RAB38: variants seen among roughly 807,000 people sequenced by gnomAD.
RAB38 encodes ras-related protein Rab-38.
RAB38 carries 15 observed loss-of-function variants against 18.4 expected under a neutral mutation model. The ratio of observed to expected loss-of-function variants is 0.82; its 90% CI spans 0.55 to 1.26. The LOEUF (loss-of-function observed/expected upper bound fraction) is 1.26. Ranked by LOEUF, RAB38 falls within the 50% of genes most tolerant of loss-of-function variation. RAB38 has a pLI of 0.00. For synonymous variants in RAB38, 101 were observed against 104.4 expected (o/e 0.97, Z 0.20); for missense variants, 294 against 267.4 (o/e 1.10, Z -0.69).
the RAB38 span, among the ~76,000 whole-genome samples, chr11:87,909,598 A>T: frequency 6.6e-6 from 1 of 152,088 alleles, no homozygotes; most frequent in Non-Finnish European, 1.5e-5. Flanking sequence ...AAACATATCT[A>T]TCAAACTCAA....
chr11:88,017,675 T>C, the RAB38 span, among the ~76,000 whole-genome samples: 1 of 147,476 alleles, frequency 6.8e-6, no homozygotes, highest in Non-Finnish European at 1.5e-5. Flanking sequence ...CTCTATATGT[T>C]ACCCAGATCT....
At chr11:87,868,694 C>T in the RAB38 span, among the ~76,000 whole-genome samples, 6 of 151,312 alleles carry the variant, frequency 4.0e-5, no homozygotes, top group African/African-American at 1.5e-4. Flanking sequence ...ATACTCCTAG[C>T]ACAGGATTTC....
intron 1 of RAB38, chr11:88,173,918 T>G (rs1943343353): frequency 1.0e-6 from 1 of 985,326 alleles, no homozygotes; most frequent in Admixed American, 6.1e-5. Flanking sequence ...TTCAAAAATT[T>G]TCCACATTTG....
rs1002496392 is a variant in RAB38 at position 88,113,932 on chromosome 11, G to C, written c.*56C>G. 1.3e-5 allele frequency: 21 copies of C among 1,600,294 alleles called. No individual in the cohort carries two copies. In the African/African-American group the frequency reaches 2.4e-4, roughly 18 times the overall value. On this transcript the variant is annotated 3_prime_UTR_variant, in exon 3 of 3. Transcript: ENST00000243662. ...GTTTACCCAAAATGGTAAAAATAGA[G>C]GCACAATTTGTGGAACAATGAGGTC... is the stretch of plus-strand genomic sequence containing the variant.
the RAB38 span, among the ~76,000 whole-genome samples, chr11:87,809,939 T>C: frequency 8.0e-6 from 1 of 124,376 alleles, no homozygotes; most frequent in Admixed American, 8.1e-5. Flanking sequence ...AATTTAAAAG[T>C]AATAAAAAGC....
chr11:88,101,977 C>A, the RAB38 span, among the ~76,000 whole-genome samples: 1 of 151,784 alleles, frequency 6.6e-6, no homozygotes, highest in Non-Finnish European at 1.5e-5. Flanking sequence ...CCTTGGAGAT[C>A]CTGGAGAAAG....
At chr11:87,853,236 C>A in the RAB38 span, among the ~76,000 whole-genome samples, 1 of 152,146 alleles carries the variant, frequency 6.6e-6, no homozygotes, top group Non-Finnish European at 1.5e-5. Context: ...TGTTTGTATC[C>A]TCCAAATTTC....
the RAB38 span, among the ~76,000 whole-genome samples, chr11:88,105,783 T>C: frequency 1.3e-5 from 2 of 152,140 alleles, no homozygotes; most frequent in African/African-American, 2.4e-5. Flanking sequence ...GTACTCTGAT[T>C]AGCCCATTGT....
At chr11:87,905,327 G>T in the RAB38 span, among the ~76,000 whole-genome samples, 3 of 151,192 alleles carry the variant, frequency 2.0e-5, no homozygotes, top group Non-Finnish European at 3.0e-5. Flanking sequence ...GTCCTGGTTA[G>T]CTCTTTCCAT....
chr11:87,884,274 C>A, the RAB38 span, among the ~76,000 whole-genome samples: 1 of 151,860 alleles, frequency 6.6e-6, no homozygotes, highest in Non-Finnish European at 1.5e-5. Flanking sequence ...GGATATGTGT[C>A]AGAATGAAGA....
chr11:87,830,729 A>C, the RAB38 span, among the ~76,000 whole-genome samples: 1 of 152,244 alleles, frequency 6.6e-6, no homozygotes, highest in East Asian at 1.9e-4. Flanking sequence ...AATATCAAAT[A>C]TATTAGATAT....
the RAB38 span, among the ~76,000 whole-genome samples, chr11:88,077,041 C>T: frequency 8.7e-6 from 1 of 115,442 alleles, no homozygotes; most frequent in African/African-American, 3.5e-5. Flanking sequence ...AGAAAGCAAG[C>T]AAGAAAAGAA....
At chr11:87,947,656 C>T in the RAB38 span, among the ~76,000 whole-genome samples, 1 of 152,126 alleles carries the variant, frequency 6.6e-6, no homozygotes, top group Non-Finnish European at 1.5e-5. Context: ...ATCCTTTCCC[C>T]ATTTCATGTT....
At chr11:87,948,251 C>G in the RAB38 span, among the ~76,000 whole-genome samples, 2 of 152,228 alleles carry the variant, frequency 1.3e-5, no homozygotes, top group East Asian at 1.9e-4. Context: ...ATTTTGTATC[C>G]TGAGACTTTG....
the RAB38 span, among the ~76,000 whole-genome samples, chr11:87,942,912 A>C: frequency 6.6e-6 from 1 of 152,184 alleles, no homozygotes; most frequent in Non-Finnish European, 1.5e-5. Flanking sequence ...AAATGAGAGG[A>C]CCATGACTTG....
chr11:87,883,189 C>T, the RAB38 span, among the ~76,000 whole-genome samples: 21 of 151,936 alleles, frequency 1.4e-4, 1 homozygote, highest in Middle Eastern at 3.4e-3. Context: ...CTAGATCACT[C>T]GATATTTCTC....
the RAB38 span, among the ~76,000 whole-genome samples, chr11:87,849,613 C>T: frequency 6.6e-6 from 1 of 152,112 alleles, no homozygotes; most frequent in African/African-American, 2.4e-5. Context: ...AGATATCTCA[C>T]CCCTCCTTCC....
chr11:88,096,240 G>A, the RAB38 span, among the ~76,000 whole-genome samples: 1 of 151,624 alleles, frequency 6.6e-6, no homozygotes, highest in African/African-American at 2.4e-5. Flanking sequence ...AGGTCACATT[G>A]ACCTCTTTAC....
chr11:88,052,923 T>TTTC, the RAB38 span, among the ~76,000 whole-genome samples: 23 of 23,682 alleles, frequency 9.7e-4, no homozygotes, highest in African/African-American at 3.0e-3. Flanking sequence ...TATATATATA[T>TTTC]ATATATATAT....
Sources: allele counts gnomAD v4.1 joint callset (sites outside exome capture counted in the v4.1 genomes callset), GRCh38; gene constraint gnomAD v4.1.1; transcripts MANE v1.5; gene names NCBI Gene and HGNC (gene_info 2026-07-23, HGNC 2026-07-21).